The following MIA2 variants were observed in gnomAD, a reference collection of about 807,000 sequenced individuals.
MIA2 encodes the protein melanoma inhibitory activity protein 2.
Under a neutral mutation model 167.8 loss-of-function variants are expected in MIA2, and 127 were observed. The ratio of observed to expected loss-of-function variants is 0.76; its 90% confidence interval spans 0.66 to 0.88. The LOEUF is 0.88. Among genes scored for constraint, MIA2 ranks in the 40% least tolerant of loss-of-function variants. The pLI is 0.00. For synonymous variants in MIA2, 552 were observed against 541.9 expected, an observed-to-expected ratio of 1.02 and a Z score of -0.26; for missense variants, 1,690 against 1,624.7, an observed-to-expected ratio of 1.04 and a Z score of -0.69.
At chr14:39,329,979 C>G (rs1342020139) in intron 25 of MIA2, among the ~76,000 whole-genome samples, 1 of 152,254 alleles carries the variant, frequency 6.6e-6, no homozygotes, top group African/African-American at 2.4e-5. Flanking sequence ...TGATGCTGAC[C>G]TCATAAAATG....
chr14:39,293,871 C>T, intron 11 of MIA2, 129 bp from the exon 12 acceptor site: 1 of 696,666 alleles, frequency 1.4e-6, no homozygotes, highest in East Asian at 2.8e-5. Flanking sequence ...GCTAAATAAA[C>T]TGAGAAGGTT....
intron 6 of MIA2, among the ~76,000 whole-genome samples, chr14:39,273,809 A>T (rs2152720107): frequency 6.6e-6 from 1 of 152,196 alleles, no homozygotes; most frequent in African/African-American, 2.4e-5. Flanking sequence ...TGTGTGATGT[A>T]TTTGTCTGGC....
Position 39,288,475 on chromosome 14 carries a change from A to G in MIA2, c.2131-2544A>G, listed in dbSNP as rs866535295. Among the ~76,000 whole-genome samples the G allele has an allele frequency of 3.0e-3, 151 of 50,434 alleles. 4 individuals carry two copies. Among genetic ancestry groups the G allele is most frequent in the Middle Eastern group, 0.019 (1 of 54 alleles). 33.1% of individuals were successfully genotyped at this position (50,434 alleles called of 152,430 possible). A position where few individuals can be genotyped will look rare whatever the true frequency, so the allele number is the denominator to read the frequency against. On this transcript the variant is annotated intron_variant, in intron 9 of 28. Transcript: ENST00000640607. ...TATATATATATATATATATATATATATTTTTTTTTTTTTTTTTGAGACGGA... is the reference window on the plus strand; with the variant it reads ...TATATATATATATATATATATATATGTTTTTTTTTTTTTTTTTGAGACGGA...
intron 25 of MIA2, 127 bp downstream of exon 25, chr14:39,327,149 A>G (rs1381818686): frequency 4.8e-6 from 3 of 626,314 alleles, no homozygotes; most frequent in Non-Finnish European, 7.2e-6. Context: ...ATTTTTGAAA[A>G]CAACAATGAT....
At chr14:39,298,506 A>G (rs2061821990) in intron 13 of MIA2, among the ~76,000 whole-genome samples, 1 of 119,688 alleles carries the variant, frequency 8.4e-6, no homozygotes, top group South Asian at 3.0e-4. Context: ...GAGAAATCCA[A>G]TAATTACTGT....
intron 6 of MIA2, chr14:39,266,710 C>A: frequency 5.1e-6 from 5 of 985,520 alleles, no homozygotes; most frequent in Non-Finnish European, 6.0e-6. Flanking sequence ...GCTGGCTTCT[C>A]GGGGCTGCCG....
chr14:39,381,208 C>T (rs1305667916), intron 23 of MIA2, among the ~76,000 whole-genome samples: 1 of 152,070 alleles, frequency 6.6e-6, no homozygotes, highest in East Asian at 1.9e-4. Context: ...GTCCTTCATG[C>T]AGCAGAAGGT....
intron 9 of MIA2, among the ~76,000 whole-genome samples, chr14:39,284,075 C>G (rs551393617): frequency 6.6e-6 from 1 of 152,218 alleles, no homozygotes; most frequent in South Asian, 2.1e-4. Context: ...TGTTCACTTA[C>G]TTTTTGCTTT....
chr14:39,323,119 T>G (rs560278093), intron 24 of MIA2, among the ~76,000 whole-genome samples: 1 of 152,248 alleles, frequency 6.6e-6, no homozygotes, highest in Admixed American at 6.5e-5. Flanking sequence ...TCAAATAATA[T>G]GAGAAAATCA....
At chr14:39,345,309 G>GGT (rs1348526234) in intron 25 of MIA2, among the ~76,000 whole-genome samples, 1 of 152,024 alleles carries the variant, frequency 6.6e-6, no homozygotes, top group East Asian at 1.9e-4. Flanking sequence ...CCCGACCTTA[G>GGT]GTGATCCACC....
At chr14:39,314,600 G>A in intron 19 of MIA2, 139 bp from the exon 20 acceptor site, 1 of 515,456 alleles carries the variant, frequency 1.9e-6, no homozygotes, top group Non-Finnish European at 3.2e-6. Context: ...TCTTAATGTG[G>A]AGTTCTGGAG....
rs191777735 is a variant in MIA2, at chr14:39,368,771, C to G, written c.2249-18114C>G. 1.8e-3 allele frequency among the ~76,000 whole-genome samples: 253 copies of G among 138,448 alleles called. 1 individual carries two copies. The highest frequency in any genetic ancestry group is 3.4e-3 in the Non-Finnish European group (221 of 64,724). 90.8% of individuals were successfully genotyped at this position (138,448 alleles called of 152,430 possible). ...TGAAAATTTTTTTCAATTATATATT[C>G]CAGTCATTCTCTTGAAATTTTTTTC... On this transcript the variant is annotated intron_variant, in intron 23 of 23. Transcript: ENST00000341502.
intron 6 of MIA2, chr14:39,267,189 G>A (rs1223791587): frequency 7.9e-7 from 1 of 1,261,838 alleles, no homozygotes; most frequent in Non-Finnish European, 1.0e-6. Flanking sequence ...GCGAGGACAG[G>A]GTACGTCGCA....
chr14:39,288,445 A>ATT (rs1566746216), intron 9 of MIA2, among the ~76,000 whole-genome samples: 3 of 5,506 alleles, frequency 5.4e-4, no homozygotes, highest in Non-Finnish European at 1.1e-3. Flanking sequence ...ATATATATAT[A>ATT]TATATATATA....
Position 39,254,898 on chromosome 14 carries a change from G to A in MIA2, c.1887+1727G>A, listed in dbSNP as rs371866549. Among the ~76,000 whole-genome samples the A allele has an allele frequency of 3.3e-5, 5 of 152,170 alleles. No homozygotes were observed. In the East Asian group the frequency reaches 7.7e-4, roughly 23 times the overall value. On this transcript the variant is annotated intron_variant, in intron 6 of 28. Transcript: ENST00000640607. ...GGATAGATCTTTTGTAGACAGAATC[G>A]TTGGATTTAATGACTGACTGAATGC... is the stretch of plus-strand genomic sequence containing the variant.
At chr14:39,347,524 A>G in intron 26 of MIA2, 189 bp from the exon 27 acceptor site, 1 of 581,052 alleles carries the variant, frequency 1.7e-6, no homozygotes, top group African/African-American at 1.9e-5. Flanking sequence ...ATGCCATCAT[A>G]GAACTCTGAG....
At position 39,245,445 on chromosome 14, in the gene MIA2, C is replaced by T. The variant is rs888812304; in HGVS notation, c.337-1466C>T. Among the ~76,000 whole-genome samples the T allele has an allele frequency of 2.6e-5, 4 of 152,038 alleles. No individual in the cohort carries two copies. The East Asian group carries it at 7.7e-4, about 29-fold the overall frequency. On this transcript the variant is annotated intron_variant, in intron 3 of 28. Transcript: ENST00000640607. Reference sequence around the variant, plus strand: ...TAAAAGTTTATGAATTTTTGTTGGGCCACATTCAAAGCCATCCTGGGCTGC... The same window carrying T: ...TAAAAGTTTATGAATTTTTGTTGGGTCACATTCAAAGCCATCCTGGGCTGC...
intron 25 of MIA2, among the ~76,000 whole-genome samples, chr14:39,334,070 C>T (rs2069651734): frequency 6.6e-6 from 1 of 152,204 alleles, no homozygotes; most frequent in South Asian, 2.1e-4. Flanking sequence ...GAGGCTCTAG[C>T]ATGAATTAGA....
chr14:39,317,865 G>A (rs2065778027), intron 21 of MIA2, 79 bp from the exon 22 acceptor site: 2 of 883,494 alleles, frequency 2.3e-6, no homozygotes, highest in South Asian at 1.9e-5. Flanking sequence ...GAAATTTAAT[G>A]AATGTTTATA....
Sources: allele counts gnomAD v4.1 joint callset (sites outside exome capture counted in the v4.1 genomes callset), GRCh38; gene constraint gnomAD v4.1.1; transcripts MANE v1.5; gene names NCBI Gene and HGNC (gene_info 2026-07-23, HGNC 2026-07-21).